Variants in CLU observed in about 807,000 individuals in gnomAD.
The protein encoded by CLU is aging-associated protein 4.
In CLU, 25 loss-of-function variants were observed where a neutral mutation model predicts 46.4. The ratio of observed to expected loss-of-function variants is 0.54; its 90% CI spans 0.39 to 0.75. The LOEUF is 0.75. Ranked by LOEUF, CLU falls within the 30% of genes least tolerant of loss-of-function variation. The pLI is 0.00. For synonymous variants in CLU, 235 were observed against 235.1 expected (o/e 1.00, Z 0.00); for missense variants, 504 against 592.1 (o/e 0.85, Z 1.54).
Position 27,598,154 on chromosome 8 carries a change from T to G in CLU, c.*87A>C, listed in dbSNP as rs1039833032. 7.0e-7 allele frequency: 1 copy of G among 1,423,402 alleles called. No individual in the cohort carries two copies. The highest frequency in any genetic ancestry group is 1.4e-5 in the African/African-American group (1 of 70,930). 88.2% of individuals were successfully genotyped at this position (1,423,402 alleles called of 1,614,324 possible). On this transcript the variant is annotated 3_prime_UTR_variant, in exon 9 of 9. Transcript: ENST00000316403. ...GCTGGGGCCTGGTTACTTGGTGACG[T>G]GCAGAGCTCTCTCTGGGGGGCTGCA...
intron 6 of CLU, among the ~76,000 whole-genome samples, chr8:27,603,858 G>C (rs1375166604): frequency 6.6e-6 from 1 of 152,178 alleles, no homozygotes; most frequent in East Asian, 1.9e-4. Context: ...CGAGTGTTTA[G>C]AACAGTGCCT....
chr8:27,600,919 A>G (rs1384014597), intron 6 of CLU, among the ~76,000 whole-genome samples: 1 of 152,238 alleles, frequency 6.6e-6, no homozygotes, highest in Non-Finnish European at 1.5e-5. Context: ...TGAGGCCCAC[A>G]GAAGTATCAA....
chr8:27,598,318 A>T, intron 8 of CLU, 68 bp from the exon 9 acceptor site: 3 of 1,604,050 alleles, frequency 1.9e-6, no homozygotes, highest in Non-Finnish European at 2.6e-6. Context: ...TTCCCCCGTA[A>T]CTTCCTGGCT....
rs901585127 is a variant in CLU at position 27,597,475 on chromosome 8, G to C, written c.*766C>G. The C allele has an allele frequency of 2.2e-6, 1 of 454,338 alleles. No individual in the cohort carries two copies. The highest frequency in any genetic ancestry group is 2.3e-5 in the Admixed American group (1 of 42,570). 28.1% of individuals were successfully genotyped at this position (454,338 alleles called of 1,614,324 possible). A position where few individuals can be genotyped will look rare whatever the true frequency, so the allele number is the denominator to read the frequency against. On this transcript the variant is annotated 3_prime_UTR_variant, in exon 9 of 9. Coordinates refer to ENST00000316403, the MANE Select transcript of CLU (RefSeq NM_001831.4). The stretch of plus-strand genomic sequence containing the variant: ...CAAGAAGATGCCCCTGGGATGCTGA[G>C]CTCTTACAACTCGAAATCAACAGCT...
At chr8:27,607,800 C>G (rs554061547) in intron 3 of CLU, among the ~76,000 whole-genome samples, 15 of 151,968 alleles carry the variant, frequency 9.9e-5, no homozygotes, top group Middle Eastern at 3.4e-3. Context: ...GGTCTTTGTC[C>G]TGCTCCATCA....
chr8:27,611,703 A>G (rs1276173197), intron 1 of CLU: 3 of 457,868 alleles, frequency 6.6e-6, no homozygotes, highest in South Asian at 4.6e-5. Flanking sequence ...GACACTCAGT[A>G]GCACATTAAC....
chr8:27,614,458 G>A, intron 1 of CLU, 197 bp downstream of exon 1: 1 of 325,546 alleles, frequency 3.1e-6, no homozygotes, highest in Non-Finnish European at 5.9e-6. Context: ...GGCGGCGGTT[G>A]CGCCGGGGCC....
rs953093289 is a variant in CLU at position 27,597,759 on chromosome 8, G to A, written c.*482C>T. On this transcript the variant is annotated 3_prime_UTR_variant, in exon 9 of 9. Coordinates refer to ENST00000316403, the MANE Select transcript of CLU (RefSeq NM_001831.4). ...TGCAGCAATATATTTTAGTTGGCTT[G>A]TTGAAACACATCTCTCTTCCTGAAA... 6.8e-5 allele frequency: 31 copies of A among 455,372 alleles called. No homozygotes were observed. Among genetic ancestry groups the A allele is most frequent in the African/African-American group, 6.0e-4 (30 of 50,058 alleles). 28.2% of individuals were successfully genotyped at this position (455,372 alleles called of 1,614,324 possible).
chr8:27,614,566 C>T, intron 1 of CLU, 89 bp downstream of exon 1: 1 of 420,586 alleles, frequency 2.4e-6, no homozygotes, highest in Non-Finnish European at 4.9e-6. Flanking sequence ...CGAGCTGTGT[C>T]ATCCCTCTCT....
rs1800771064 is a variant in CLU at position 27,604,187 on chromosome 8, AC to A, written c.934+103del. 4.4e-6 allele frequency: 4 copies of A among 900,320 alleles called. No homozygotes were observed. The Admixed American group carries it at 7.5e-5, about 17-fold the overall frequency. The allele number at this position is 900,320 out of a possible 1,614,324, so 55.8% of individuals were successfully genotyped here. A position where few individuals can be genotyped will look rare whatever the true frequency, so the allele number is the denominator to read the frequency against. On this transcript the variant is annotated intron_variant, in intron 6 of 8. Coordinates refer to ENST00000316403, the MANE Select transcript of CLU (RefSeq NM_001831.4). ...CAAAGGCTGCAGAGCTGGAATCCAA[AC>A]GCTTATCTGTCTGACTCCATAAAGG...
intron 4 of CLU, among the ~76,000 whole-genome samples, chr8:27,605,634 C>T (rs555063562): frequency 4.3e-4 from 65 of 152,214 alleles, no homozygotes; most frequent in Non-Finnish European, 8.7e-4. Flanking sequence ...TATCCACCCC[C>T]GCTCGGCTAA....
In CLU at chr8:27,597,570, C is replaced by G. The variant is rs1314574893; in HGVS notation, c.*671G>C. On this transcript the variant is annotated 3_prime_UTR_variant, in exon 9 of 9. Coordinates refer to ENST00000316403, the MANE Select transcript of CLU (RefSeq NM_001831.4). ...AACTGATAATTTGGACTTCTGGGCA[C>G]CAAATGTTTTCATAACGAAAACATC... is the stretch of plus-strand genomic sequence containing the variant. 2.2e-6 allele frequency: 1 copy of G among 454,078 alleles called. No individual in the cohort carries two copies. The highest frequency in any genetic ancestry group is 1.6e-5 in the South Asian group (1 of 64,478). The allele number at this position is 454,078 out of a possible 1,614,324, so 28.1% of individuals were successfully genotyped here.
intron 6 of CLU, among the ~76,000 whole-genome samples, chr8:27,601,633 A>G (rs945351326): frequency 1.3e-5 from 2 of 152,242 alleles, no homozygotes; most frequent in Non-Finnish European, 2.9e-5. Flanking sequence ...AGGCAGGTAC[A>G]TCAAACGTGA....
chr8:27,599,983 C>T lies in CLU; in HGVS notation c.961G>A (p.Ala321Thr). The change falls in exon 7 of 9, where the codon GCT becomes ACT. Residue 321 changes from alanine to threonine, a missense_variant. By Grantham distance (58) the Ala-to-Thr change is moderately conservative. Transcript: ENST00000316403. This position sits in a 1 kb window ranked among gnomAD's most constrained non-coding sequence, Gnocchi z 4.0. ...TCGTCGAGCTCCCGCCGCAGCTTAG[C>T]CTGGGAGGGGTTGTTGGTGGAACAG... ...VDCSTNNPSQ[A>T]KLRRELDESL... 1 of 1,614,128 alleles carries T rather than the reference C, an allele frequency of 6.2e-7. No homozygotes were observed. The highest frequency in any genetic ancestry group is 2.2e-5 in the East Asian group (1 of 44,886).
chr8:27,609,595 C>A (rs950524872), intron 2 of CLU, among the ~76,000 whole-genome samples: 7 of 152,172 alleles, frequency 4.6e-5, no homozygotes, highest in African/African-American at 1.7e-4. Flanking sequence ...AACACTGTGT[C>A]ACCTAAGTGC....
At position 27,598,189 on chromosome 8, in the gene CLU, G is replaced by T. The variant is rs1476827725; in HGVS notation, c.*52C>A. 4 of 1,597,980 alleles carry T rather than the reference G, an allele frequency of 2.5e-6. No homozygotes were observed. The highest frequency in any genetic ancestry group is 3.4e-6 in the Non-Finnish European group (4 of 1,166,172). On this transcript the variant is annotated 3_prime_UTR_variant, in exon 9 of 9. Transcript: ENST00000316403. ...TCTCTGGGGGGCTGCAGCTCATCTTGGGGGGAGCTGGACTCAGATGCCCCC... is the reference window on the plus strand; with the variant it reads ...TCTCTGGGGGGCTGCAGCTCATCTTTGGGGGAGCTGGACTCAGATGCCCCC...
At chr8:27,598,343 T>C (rs1334048737) in intron 8 of CLU, 93 bp from the exon 9 acceptor site, 67 of 1,596,770 alleles carry the variant, frequency 4.2e-5, no homozygotes, top group Non-Finnish European at 5.2e-5. Flanking sequence ...TCTTGGGCTC[T>C]GGCTCCGGGC....
chr8:27,605,113 G>T lies in CLU; in HGVS notation c.640C>A (p.Arg214=), dbSNP rs368909826. ...YHYLPFSLPH[R]RPHFFFPKSR... ...TTGGGAAAGAAGAAGTGAGGCCTCC[G>T]GTGGGGCAGGCTGAAGGGCAGGTAG... is the stretch of plus-strand genomic sequence containing the variant. Residue 214 remains arginine (R), a synonymous_variant, in exon 5 of 9, where the codon CGG becomes AGG. Coordinates refer to ENST00000316403, the MANE Select transcript of CLU (RefSeq NM_001831.4). The T allele has an allele frequency of 1.2e-5, 20 of 1,614,028 alleles. No individual in the cohort carries two copies. Among genetic ancestry groups the T allele is most frequent in the Non-Finnish European group, 2.5e-6 (3 of 1,180,040 alleles).
At chr8:27,611,761 C>T (rs1019268436) in intron 1 of CLU, 1 of 457,448 alleles carries the variant, frequency 2.2e-6, no homozygotes, top group Non-Finnish European at 4.4e-6. Flanking sequence ...AGCCAGGGAG[C>T]AGCGTGGGAG....
Sources: gnomAD v4.1 joint callset for allele counts (sites outside exome capture counted in the v4.1 genomes callset) on GRCh38, gnomAD v4.1.1 for gene constraint, Gnocchi (gnomAD v3.1) non-coding constraint, MANE v1.5 for transcripts, NCBI Gene and HGNC (gene_info 2026-07-23, HGNC 2026-07-21) for gene names.